The following UNC13B variants were observed in gnomAD, a reference collection of about 807,000 sequenced individuals.
The protein encoded by UNC13B is protein unc-13 homolog B.
Under a neutral mutation model 211.0 loss-of-function variants are expected in UNC13B, and 144 were observed. The ratio of observed to expected loss-of-function variants is 0.68; its 90% CI spans 0.60 to 0.78. The LOEUF is 0.78. Among genes scored for constraint, UNC13B ranks in the 30% least tolerant of loss-of-function variants. The pLI, the probability that UNC13B is intolerant of heterozygous loss-of-function variation, is 0.00. For synonymous variants in UNC13B, 709 were observed against 725.8 expected (o/e 0.98, Z 0.37); for missense variants, 1,777 against 2,002.0 (o/e 0.89, Z 2.14).
At position 35,398,222 on chromosome 9, in the gene UNC13B, G is replaced by C. The variant is rs1477882519; in HGVS notation, c.11766G>C (p.Leu3922=). ...ATCTGTCCCCAAAGCCCTGCATCCT[G>C]ATGAACAACGTGCAGCAACTGAGGG... ...YCTKEKLPCI[L]MNNVQQLRVQ... Residue 3922 remains leucine, a synonymous_variant, in exon 31 of 40, where the codon CTG becomes CTC. Coordinates refer to ENST00000635942, the MANE Select transcript of UNC13B (RefSeq NM_001371189.2). 6.2e-7 allele frequency: 1 copy of C among 1,613,790 alleles called. No homozygotes were observed.
intron 6 of UNC13B, among the ~76,000 whole-genome samples, chr9:35,251,075 G>A (rs1394351903): frequency 6.9e-6 from 1 of 145,366 alleles, no homozygotes; most frequent in Admixed American, 7.3e-5. Context: ...CCATTCTCCT[G>A]CCTCAGCCTC....
At chr9:35,292,937 G>A (rs942989639) in intron 7 of UNC13B, among the ~76,000 whole-genome samples, 4 of 152,212 alleles carry the variant, frequency 2.6e-5, no homozygotes, top group Admixed American at 6.5e-5. Context: ...GTAAGAGATC[G>A]TCAGTGACAC....
intron 6 of UNC13B, among the ~76,000 whole-genome samples, chr9:35,258,353 T>C (rs1055880373): frequency 6.6e-6 from 1 of 152,208 alleles, no homozygotes; most frequent in Admixed American, 6.5e-5. Context: ...ATCGGGCCCA[T>C]CCTCAAGATT....
intron 37 of UNC13B, among the ~76,000 whole-genome samples, chr9:35,400,960 C>T (rs1302826591): frequency 6.6e-6 from 1 of 152,132 alleles, no homozygotes; most frequent in Non-Finnish European, 1.5e-5. Flanking sequence ...GCTGAGGCTC[C>T]AGTCTCAGGG....
Position 35,305,432 on chromosome 9 carries a change from A to T in UNC13B, c.6028A>T (p.Lys2010Ter). Residue 2010 changes from lysine (K) to a stop codon, truncating the protein, a stop_gained, in exon 9 of 40, where the codon AAG becomes TAG. Coordinates refer to ENST00000635942, the MANE Select transcript of UNC13B (RefSeq NM_001371189.2). LOFTEE classifies it high-confidence loss of function. ...ENTSVSSMTI[K>*]DEVRSSPTPM... ...TACGTCTGTTTCTTCAATGACTATTAAGGATGAGGTCAGGTCAAGTCCTAC... is the reference window on the plus strand; with the variant it reads ...TACGTCTGTTTCTTCAATGACTATTTAGGATGAGGTCAGGTCAAGTCCTAC... 2.5e-6 allele frequency: 1 copy of T among 399,012 alleles called. No homozygotes were observed. Among genetic ancestry groups the T allele is most frequent in the Non-Finnish European group, 4.4e-6 (1 of 226,020 alleles). 24.7% of individuals were successfully genotyped at this position (399,012 alleles called of 1,614,324 possible). A position where few individuals can be genotyped will look rare whatever the true frequency, so the allele number is the denominator to read the frequency against.
chr9:35,192,256 CAGTTAG>C (rs1210871317), intron 1 of UNC13B, among the ~76,000 whole-genome samples: 1 of 152,146 alleles, frequency 6.6e-6, no homozygotes, highest in Non-Finnish European at 1.5e-5. Flanking sequence ...CTGGGGGTTC[CAGTTAG>C]AGTTGTTAAG....
chr9:35,232,037 GT>G (rs1825230414), intron 3 of UNC13B, among the ~76,000 whole-genome samples: 1 of 151,782 alleles, frequency 6.6e-6, no homozygotes, highest in Admixed American at 6.6e-5. Flanking sequence ...ATGAGAAAAC[GT>G]ACTGAAATTT....
chr9:35,363,782 C>T (rs1217842080), intron 11 of UNC13B, among the ~76,000 whole-genome samples: 2 of 152,184 alleles, frequency 1.3e-5, no homozygotes, highest in African/African-American at 4.8e-5. Context: ...TATTTTTATC[C>T]TGTTATGGCT....
chr9:35,281,081 C>T (rs949220369), intron 7 of UNC13B, among the ~76,000 whole-genome samples: 1 of 152,062 alleles, frequency 6.6e-6, no homozygotes, highest in Middle Eastern at 3.2e-3. Flanking sequence ...AACCCTGTCT[C>T]TACTAAAAAA....
At chr9:35,167,718 G>A (rs1821114532) in intron 1 of UNC13B, among the ~76,000 whole-genome samples, 1 of 148,516 alleles carries the variant, frequency 6.7e-6, no homozygotes, top group South Asian at 2.1e-4. Flanking sequence ...CTCTTGAGTA[G>A]CTGGGATTAC....
chr9:35,336,845 T>C (rs973253145), intron 11 of UNC13B, among the ~76,000 whole-genome samples: 8 of 152,202 alleles, frequency 5.3e-5, no homozygotes, highest in African/African-American at 1.9e-4. Flanking sequence ...CAAAGTAGTT[T>C]TTCATGTTTA....
At chr9:35,187,018 C>G (rs1822397868) in intron 1 of UNC13B, among the ~76,000 whole-genome samples, 1 of 152,158 alleles carries the variant, frequency 6.6e-6, no homozygotes, top group African/African-American at 2.4e-5. Flanking sequence ...ATTATCTCTG[C>G]TATTAGGATA....
In UNC13B at chr9:35,205,269, A is replaced by G. The variant is rs140628025; in HGVS notation, c.23-22746A>G. On this transcript the variant is annotated intron_variant, in intron 1 of 39. Transcript: ENST00000635942. The stretch of plus-strand genomic sequence containing the variant: ...ATTAAACCTCTTTTTTAAATAAATC[A>G]CCACGTTTCAGGTATTTATGGCAAT... 2.1e-3 allele frequency among the ~76,000 whole-genome samples: 323 copies of G among 152,202 alleles called. 1 individual carries two copies. The highest frequency in any genetic ancestry group is 2.3e-3 in the Non-Finnish European group (153 of 67,996).
At chr9:35,343,482 C>T (rs1832148028) in intron 11 of UNC13B, among the ~76,000 whole-genome samples, 2 of 152,014 alleles carry the variant, frequency 1.3e-5, no homozygotes, top group African/African-American at 4.8e-5. Flanking sequence ...AGCGGGGTAC[C>T]GTGAAAGGGT....
At chr9:35,240,850 T>C (rs1825764878) in intron 5 of UNC13B, among the ~76,000 whole-genome samples, 1 of 151,978 alleles carries the variant, frequency 6.6e-6, no homozygotes. Flanking sequence ...GGTCAGGAGT[T>C]CAAGACCAGC....
chr9:35,245,858 C>A (rs573017373), intron 6 of UNC13B, among the ~76,000 whole-genome samples: 3 of 152,164 alleles, frequency 2.0e-5, no homozygotes, highest in South Asian at 2.1e-4. Flanking sequence ...TCCTTTGGGT[C>A]TATACCCAGT....
At chr9:35,319,963 G>T (rs764150590) in intron 11 of UNC13B, among the ~76,000 whole-genome samples, 11 of 152,058 alleles carry the variant, frequency 7.2e-5, no homozygotes, top group Non-Finnish European at 1.3e-4. Flanking sequence ...CTGGCCCCTA[G>T]CTCCCATTTA....
intron 11 of UNC13B, among the ~76,000 whole-genome samples, chr9:35,357,493 T>C (rs1564161859): frequency 6.6e-6 from 1 of 152,064 alleles, no homozygotes; most frequent in Non-Finnish European, 1.5e-5. Flanking sequence ...TTATCAGATA[T>C]ATTATTTGTA....
chr9:35,185,426 G>A (rs558221796), intron 1 of UNC13B, among the ~76,000 whole-genome samples: 2 of 152,266 alleles, frequency 1.3e-5, no homozygotes, highest in African/African-American at 4.8e-5. Flanking sequence ...CAACTACTAT[G>A]TCCTATGTCT....
Sources: gnomAD v4.1 joint callset for allele counts (sites outside exome capture counted in the v4.1 genomes callset) on GRCh38, gnomAD v4.1.1 for gene constraint, MANE v1.5 for transcripts, NCBI Gene and HGNC (gene_info 2026-07-23, HGNC 2026-07-21) for gene names.